The following GPHN variants were observed in gnomAD, a reference collection of about 807,000 sequenced individuals.
GPHN encodes gephyrin.
Under a neutral mutation model 95.5 loss-of-function variants are expected in GPHN, and 17 were observed. The ratio of observed to expected loss-of-function variants is 0.18; its 90% CI spans 0.12 to 0.27. The LOEUF is 0.27. Among genes scored for constraint, GPHN ranks in the 10% least tolerant of loss-of-function variants. The pLI is 1.00. For synonymous variants in GPHN, 320 were observed against 322.5 expected (o/e 0.99, Z 0.08); for missense variants, 660 against 978.1 (o/e 0.67, Z 4.34).
the GPHN span, among the ~76,000 whole-genome samples, chr14:67,280,792 TTTCC>T: frequency 0.051 from 3,933 of 77,518 alleles, 161 homozygotes; most frequent in Middle Eastern, 0.081. Context: ...TCTGGAGCAG[TTTCC>T]TTCCTTCCTT....
chr14:67,369,071 A>G, the GPHN span, among the ~76,000 whole-genome samples: 1 of 152,240 alleles, frequency 6.6e-6, no homozygotes, highest in African/African-American at 2.4e-5. Flanking sequence ...ATGTAAATCA[A>G]GTAAATATTC....
chr14:66,607,241 G>C (rs2062577374), intron 1 of GPHN, among the ~76,000 whole-genome samples: 2 of 152,010 alleles, frequency 1.3e-5, no homozygotes, highest in African/African-American at 4.8e-5. Context: ...TATGCTTTTT[G>C]TTTTTGATTC....
chr14:66,772,928 A>C (rs752552194), intron 2 of GPHN, among the ~76,000 whole-genome samples: 1 of 152,218 alleles, frequency 6.6e-6, no homozygotes, highest in Non-Finnish European at 1.5e-5. Context: ...GATATGATTT[A>C]ATATATGAGC....
intron 8 of GPHN, among the ~76,000 whole-genome samples, chr14:66,949,993 G>GAAAAAA (rs71129809): frequency 9.2e-4 from 53 of 57,590 alleles, no homozygotes; most frequent in East Asian, 1.4e-3. Flanking sequence ...TTTAGGACAG[G>GAAAAAA]AAAAAAAAAA....
the GPHN span, chr14:67,338,528 CA>C: frequency 1.5e-6 from 2 of 1,350,422 alleles, no homozygotes; most frequent in Non-Finnish European, 2.0e-6. Context: ...ATTCTTAGGC[CA>C]AAAAATAAAT....
At chr14:67,591,793 C>T in the GPHN span, 1 of 151,178 alleles carries the variant, frequency 6.6e-6, no homozygotes, top group African/African-American at 2.4e-5. Context: ...TCAGCCTCCC[C>T]CACAGTGTTG....
At chr14:66,584,565 A>G (rs1293735463) in intron 1 of GPHN, among the ~76,000 whole-genome samples, 1 of 152,142 alleles carries the variant, frequency 6.6e-6, no homozygotes, top group Non-Finnish European at 1.5e-5. Flanking sequence ...ATGTCCCATC[A>G]ATATCTAATT....
the GPHN span, chr14:67,254,056 C>T: frequency 8.3e-6 from 1 of 120,182 alleles, no homozygotes; most frequent in African/African-American, 3.3e-5. Context: ...TCTTAGGATG[C>T]TCTTCTTCTA....
At chr14:66,735,661 G>T (rs1297174446) in intron 2 of GPHN, among the ~76,000 whole-genome samples, 1 of 152,062 alleles carries the variant, frequency 6.6e-6, no homozygotes, top group Non-Finnish European at 1.5e-5. Context: ...AGAGCACCTT[G>T]AACTGAGAAA....
At chr14:66,805,379 CT>C (rs1218884610) in intron 3 of GPHN, among the ~76,000 whole-genome samples, 2 of 152,172 alleles carry the variant, frequency 1.3e-5, no homozygotes, top group Non-Finnish European at 2.9e-5. Context: ...CATTTCACCC[CT>C]GGCCCCTCCC....
At chr14:67,578,060 C>T in the GPHN span, 8 of 1,613,922 alleles carry the variant, frequency 5.0e-6, no homozygotes, top group Non-Finnish European at 6.8e-6. This position sits in a 1 kb window ranked among gnomAD's most constrained non-coding sequence, Gnocchi z 5.0. Context: ...GTGGAAGCTG[C>T]CTCGGTGGAC....
At chr14:67,043,474 A>G (rs1321587586) in intron 10 of GPHN, among the ~76,000 whole-genome samples, 3 of 152,200 alleles carry the variant, frequency 2.0e-5, no homozygotes, top group East Asian at 1.9e-4. Flanking sequence ...CCTTTTCTGC[A>G]TCTATTAAGA....
At chr14:66,875,399 A>C (rs1207769837) in intron 4 of GPHN, among the ~76,000 whole-genome samples, 1 of 152,236 alleles carries the variant, frequency 6.6e-6, no homozygotes, top group Non-Finnish European at 1.5e-5. Context: ...TCAAATTCAC[A>C]CATAACAATG....
downstream of GPHN, among the ~76,000 whole-genome samples, chr14:67,183,133 T>C (rs547215888): frequency 6.6e-6 from 1 of 152,300 alleles, no homozygotes; most frequent in African/African-American, 2.4e-5. Flanking sequence ...ATAATTTCTA[T>C]ACCTGTAATA....
At chr14:67,004,194 G>A (rs900124599) in intron 9 of GPHN, among the ~76,000 whole-genome samples, 24 of 151,786 alleles carry the variant, frequency 1.6e-4, no homozygotes, top group Admixed American at 1.4e-3. Context: ...TGAAAATTCA[G>A]TCAGAGAGCC....
chr14:67,076,270 A>G (rs1037705965), intron 11 of GPHN, among the ~76,000 whole-genome samples: 1 of 152,118 alleles, frequency 6.6e-6, no homozygotes, highest in Non-Finnish European at 1.5e-5. Flanking sequence ...AAATTAAGGT[A>G]TGTACATTGT....
the GPHN span, chr14:67,385,748 CTG>C: frequency 3.3e-5 from 5 of 149,770 alleles, no homozygotes; most frequent in Admixed American, 3.4e-4. Flanking sequence ...GCCTCTGCCT[CTG>C]TAAGAGTGTG....
the GPHN span, among the ~76,000 whole-genome samples, chr14:67,664,777 A>G: frequency 6.6e-6 from 1 of 152,142 alleles, no homozygotes; most frequent in African/African-American, 2.4e-5. Flanking sequence ...AAGAGAACAG[A>G]TGAGCCGGGC....
intron 1 of GPHN, among the ~76,000 whole-genome samples, chr14:66,563,495 C>T (rs543609913): frequency 6.6e-6 from 1 of 152,242 alleles, no homozygotes; most frequent in Non-Finnish European, 1.5e-5. Flanking sequence ...TGGTTTTATG[C>T]TCATTTGAGC....
Sources: gnomAD v4.1 joint callset for allele counts (sites outside exome capture counted in the v4.1 genomes callset) on GRCh38, gnomAD v4.1.1 for gene constraint, Gnocchi (gnomAD v3.1) non-coding constraint, MANE v1.5 for transcripts, NCBI Gene and HGNC (gene_info 2026-07-23, HGNC 2026-07-21) for gene names.